Variants in DMD observed in about 807,000 individuals in gnomAD.
The protein encoded by DMD is dystrophin.
DMD carries 63 observed loss-of-function variants against 330.1 expected under a neutral mutation model. That is an observed-to-expected ratio of 0.19 (90% CI 0.16 to 0.24). DMD has a LOEUF of 0.24. Ranked by LOEUF, DMD falls within the 10% of genes least tolerant of loss-of-function variation. The probability of loss-of-function intolerance (pLI) is 1.00; values close to 1 mark genes in which losing one functional copy is unlikely to be tolerated. For missense variants in DMD, 3,344 were observed against 2,684.1 expected, an observed-to-expected ratio of 1.25 and a Z score of -5.43; for synonymous variants, 1,223 against 959.8, an observed-to-expected ratio of 1.27 and a Z score of -5.07.
intron 9 of DMD, among the ~76,000 whole-genome samples, chrX:32,692,018 G>GA: frequency 9.0e-6 from 1 of 111,118 alleles, no homozygotes; most frequent in Admixed American, 9.6e-5. Flanking sequence ...GAGGAAGTGG[G>GA]AAGCTGCTAA....
At chrX:32,612,577 C>G (rs1276998232) in intron 12 of DMD, among the ~76,000 whole-genome samples, 1 of 111,470 alleles carries the variant, frequency 9.0e-6, no homozygotes, top group African/African-American at 3.3e-5. Context: ...TAGACACTTT[C>G]TGCATGTAAC....
At position 31,320,017 on chromosome X, in the gene DMD, C is replaced by T. The variant is rs186484612; in HGVS notation, c.9224+3581G>A. Among the ~76,000 whole-genome samples the T allele has an allele frequency of 3.6e-5, 4 of 112,180 alleles. No individual in the cohort carries two copies. The Admixed American group carries it at 3.8e-4, about 11-fold the overall frequency. ...GAAAAGGCAGTTGTAACAGGTTGAA[C>T]ATTGTTGGTGATTATTTTTTCAGTG... On this transcript the variant is annotated intron_variant, in intron 62 of 78. Transcript: ENST00000357033.
At chrX:32,531,900 T>A (rs957177277) in intron 17 of DMD, among the ~76,000 whole-genome samples, 1 of 111,798 alleles carries the variant, frequency 8.9e-6, no homozygotes, top group Non-Finnish European at 1.9e-5. Flanking sequence ...AATTCTGAAA[T>A]TTTTCATTAA....
At chrX:33,137,650 A>C (rs1459183096) in intron 1 of DMD, among the ~76,000 whole-genome samples, 2 of 111,735 alleles carry the variant, frequency 1.8e-5, no homozygotes, top group Non-Finnish European at 3.8e-5. Context: ...TGTGCCTTAG[A>C]TGTCTTTCTA....
At chrX:32,292,789 T>C (rs1431661948) in intron 42 of DMD, among the ~76,000 whole-genome samples, 1 of 112,153 alleles carries the variant, frequency 8.9e-6, no homozygotes, top group Non-Finnish European at 1.9e-5. Flanking sequence ...TTCACGTTTG[T>C]GGTCCACGAG....
chrX:32,889,738 C>A (rs899422449), intron 2 of DMD, among the ~76,000 whole-genome samples: 2 of 111,026 alleles, frequency 1.8e-5, no homozygotes, highest in African/African-American at 6.6e-5. Context: ...AACTCCACCG[C>A]CTATCCCAAA....
intron 41 of DMD, among the ~76,000 whole-genome samples, chrX:32,321,769 T>C (rs2097616671): frequency 8.9e-6 from 1 of 111,968 alleles, no homozygotes; most frequent in Admixed American, 9.6e-5. Context: ...ACATTTTACA[T>C]TCTTTGACTT....
chrX:31,351,929 G>A (rs1227087887), intron 60 of DMD, among the ~76,000 whole-genome samples: 1 of 105,738 alleles, frequency 9.5e-6, no homozygotes, highest in African/African-American at 3.4e-5. Context: ...TGAGGCATGA[G>A]AGGTTAAAAA....
At chrX:31,894,930 G>A (rs372789508) in intron 47 of DMD, among the ~76,000 whole-genome samples, 1 of 111,503 alleles carries the variant, frequency 9.0e-6, no homozygotes, top group Non-Finnish European at 1.9e-5. Context: ...AATTTAAAAA[G>A]TGGTTTCACT....
chrX:31,445,808 G>A (rs936272148), intron 59 of DMD, among the ~76,000 whole-genome samples: 2 of 111,614 alleles, frequency 1.8e-5, no homozygotes, highest in Admixed American at 1.9e-4. Context: ...ATATTACCAC[G>A]CCTCATATCT....
chrX:32,592,872 G>A (rs188873993), intron 13 of DMD, among the ~76,000 whole-genome samples: 2 of 112,641 alleles, frequency 1.8e-5, no homozygotes, highest in Admixed American at 1.9e-4. Flanking sequence ...CCAGACATTG[G>A]TGCCTGCAGC....
chrX:32,893,760 T>C (rs867128652), intron 2 of DMD, among the ~76,000 whole-genome samples: 8 of 111,857 alleles, frequency 7.2e-5, no homozygotes, highest in African/African-American at 2.6e-4. Flanking sequence ...TCCCCTACTT[T>C]TCCTACTGTA....
intron 7 of DMD, among the ~76,000 whole-genome samples, chrX:32,790,785 A>C (rs2075757987): frequency 9.0e-6 from 1 of 111,575 alleles, no homozygotes; most frequent in Admixed American, 9.5e-5. Flanking sequence ...CAGGCTACCC[A>C]GGCAACTGCT....
At chrX:31,648,935 A>T (rs1453907428) in intron 54 of DMD, among the ~76,000 whole-genome samples, 1 of 110,941 alleles carries the variant, frequency 9.0e-6, no homozygotes, top group Non-Finnish European at 1.9e-5. Context: ...AAAAAACTCA[A>T]CTTTCTAAAA....
rs144518527 is a variant in DMD, at chrX:31,627,814, T to C, written c.8076A>G (p.Gln2692=). 5.4e-5 allele frequency: 65 copies of C among 1,208,856 alleles called. No individual in the cohort carries two copies. In the African/African-American group the frequency reaches 7.4e-4, roughly 14 times the overall value. The part of the protein sequence containing the change: ...AALEETHRLL[Q]QFPLDLEKFL... ...ACTTTTCCAGGTCCAGGGGGAACTGTTGCAGTAATCTATGAGTTTCTTCCA... is the reference window on the plus strand; with the variant it reads ...ACTTTTCCAGGTCCAGGGGGAACTGCTGCAGTAATCTATGAGTTTCTTCCA... Residue 2692 remains glutamine, a synonymous_variant, in exon 55 of 79, where the codon CAA becomes CAG. Coordinates refer to ENST00000357033, the MANE Select transcript of DMD (RefSeq NM_004006.3).
intron 1 of DMD, among the ~76,000 whole-genome samples, chrX:33,044,288 C>T (rs2094346765): frequency 1.8e-5 from 2 of 110,993 alleles, no homozygotes; most frequent in African/African-American, 6.6e-5. Flanking sequence ...AAAAATTAGC[C>T]GGGCGTGGTG....
chrX:32,762,342 C>T (rs1032476981), intron 7 of DMD, among the ~76,000 whole-genome samples: 1 of 110,643 alleles, frequency 9.0e-6, no homozygotes, highest in African/African-American at 3.3e-5. Flanking sequence ...TTATCCATTC[C>T]ACAAACATTT....
intron 1 of DMD, among the ~76,000 whole-genome samples, chrX:33,038,512 A>G (rs1411655292): frequency 2.7e-5 from 3 of 111,917 alleles, no homozygotes; most frequent in Non-Finnish European, 5.6e-5. Context: ...ATTGGTAGAC[A>G]TCTCACTGCT....
At chrX:32,349,810 T>C (rs1177117242) in intron 37 of DMD, among the ~76,000 whole-genome samples, 3 of 111,802 alleles carry the variant, frequency 2.7e-5, no homozygotes, top group African/African-American at 9.7e-5. Context: ...TACCAGTTTT[T>C]AAATCCTAAT....
Sources: allele counts gnomAD v4.1 joint callset (sites outside exome capture counted in the v4.1 genomes callset), GRCh38; gene constraint gnomAD v4.1.1; transcripts MANE v1.5; gene names NCBI Gene and HGNC (gene_info 2026-07-23, HGNC 2026-07-21).